Variants in CSMD1 observed in about 807,000 individuals in gnomAD.
CSMD1 encodes the protein CUB and sushi domain-containing protein 1.
In CSMD1, 213 loss-of-function variants were observed where a neutral mutation model predicts 417.5. The ratio of observed to expected loss-of-function variants is 0.51; its 90% CI spans 0.46 to 0.57. The LOEUF is 0.57. Among genes scored for constraint, CSMD1 ranks in the 20% least tolerant of loss-of-function variants. The pLI, the probability that CSMD1 is intolerant of heterozygous loss-of-function variation, is 0.00. For missense variants in CSMD1, 6,923 were observed against 4,529.7 expected (o/e 1.53, Z -15.17); for synonymous variants, 2,862 against 1,736.8 (o/e 1.65, Z -16.11).
chr8:3,786,177 T>G (rs1008772642), intron 5 of CSMD1, among the ~76,000 whole-genome samples: 2 of 152,110 alleles, frequency 1.3e-5, no homozygotes, highest in African/African-American at 4.8e-5. Flanking sequence ...TGGGGCCAGA[T>G]TGGGACATGA....
intron 12 of CSMD1, among the ~76,000 whole-genome samples, chr8:3,455,727 G>T (rs937289709): frequency 2.0e-5 from 3 of 152,204 alleles, no homozygotes; most frequent in African/African-American, 4.8e-5. Context: ...CCCCTACTGG[G>T]GATGCGTCCC....
chr8:4,497,620 G>A (rs1461655206), intron 2 of CSMD1, among the ~76,000 whole-genome samples: 1 of 152,134 alleles, frequency 6.6e-6, no homozygotes, highest in Non-Finnish European at 1.5e-5. Flanking sequence ...AGGCATTTAA[G>A]TAAAGACAGG....
At chr8:4,366,301 G>C (rs1188114798) in intron 3 of CSMD1, among the ~76,000 whole-genome samples, 3 of 150,592 alleles carry the variant, frequency 2.0e-5, no homozygotes, top group Non-Finnish European at 4.4e-5. Flanking sequence ...CTTTGCATAT[G>C]TACCACATTT....
intron 49 of CSMD1, among the ~76,000 whole-genome samples, chr8:3,082,968 G>C (rs1278889768): frequency 6.6e-6 from 1 of 152,130 alleles, no homozygotes; most frequent in African/African-American, 2.4e-5. Flanking sequence ...TGCTGATTTG[G>C]GTGGCGAAGA....
At chr8:3,332,558 T>G (rs1315828116) in intron 23 of CSMD1, among the ~76,000 whole-genome samples, 1 of 152,210 alleles carries the variant, frequency 6.6e-6, no homozygotes, top group Non-Finnish European at 1.5e-5. Context: ...AGACAACAGA[T>G]TAACTACTGT....
At chr8:4,078,119 A>T (rs1400089206) in intron 3 of CSMD1, among the ~76,000 whole-genome samples, 4 of 152,182 alleles carry the variant, frequency 2.6e-5, no homozygotes, top group African/African-American at 9.7e-5. Context: ...TTTACATGGA[A>T]AGTGCTATAA....
intron 5 of CSMD1, among the ~76,000 whole-genome samples, chr8:3,822,502 T>C (rs1175045096): frequency 6.6e-6 from 1 of 152,224 alleles, no homozygotes; most frequent in African/African-American, 2.4e-5. Context: ...AGCTGCTAGG[T>C]ACTCATGCAC....
chr8:4,122,620 T>A (rs1265840900), intron 3 of CSMD1, among the ~76,000 whole-genome samples: 1 of 151,934 alleles, frequency 6.6e-6, no homozygotes, highest in African/African-American at 2.4e-5. Context: ...GAGATGGAGG[T>A]GATAAGCCTC....
intron 3 of CSMD1, among the ~76,000 whole-genome samples, chr8:4,173,480 T>C (rs998738309): frequency 2.6e-5 from 4 of 152,170 alleles, no homozygotes; most frequent in Middle Eastern, 3.4e-3. Context: ...AAGTTGGATC[T>C]AGAGACACAG....
At chr8:3,991,636 G>T (rs1398040897) in intron 5 of CSMD1, among the ~76,000 whole-genome samples, 1 of 152,152 alleles carries the variant, frequency 6.6e-6, no homozygotes, top group African/African-American at 2.4e-5. Context: ...AGAAGTGGAG[G>T]GCACTTTCTT....
At chr8:3,992,229 C>A (rs1362987538) in intron 5 of CSMD1, among the ~76,000 whole-genome samples, 1 of 151,852 alleles carries the variant, frequency 6.6e-6, no homozygotes, top group Non-Finnish European at 1.5e-5. Context: ...ATACTAAACA[C>A]TTCTAAAAAA....
At chr8:4,032,312 T>TAAATAAATG (rs1429821777) in intron 3 of CSMD1, among the ~76,000 whole-genome samples, 2 of 152,196 alleles carry the variant, frequency 1.3e-5, no homozygotes, top group Non-Finnish European at 2.9e-5. Context: ...TCATAAAGTG[T>TAAATAAATG]AAATAAATGC....
chr8:4,082,811 G>A (rs1389540097), intron 3 of CSMD1, among the ~76,000 whole-genome samples: 1 of 128,448 alleles, frequency 7.8e-6, no homozygotes, highest in Non-Finnish European at 1.5e-5. Flanking sequence ...TCCCTTTCCT[G>A]TGTCCATGCA....
intron 29 of CSMD1, among the ~76,000 whole-genome samples, chr8:3,219,017 T>A (rs1480243553): frequency 6.6e-6 from 1 of 152,250 alleles, no homozygotes. Flanking sequence ...TTTATTTTTA[T>A]ATGGCCATGA....
At chr8:3,382,279 T>C (rs1810675679) in intron 18 of CSMD1, among the ~76,000 whole-genome samples, 1 of 150,370 alleles carries the variant, frequency 6.7e-6, no homozygotes, top group Non-Finnish European at 1.5e-5. Flanking sequence ...TGATTCCTAG[T>C]CAGCACTGGA....
intron 18 of CSMD1, among the ~76,000 whole-genome samples, chr8:3,374,506 C>G (rs1192686845): frequency 1.3e-5 from 2 of 152,086 alleles, no homozygotes; most frequent in African/African-American, 2.4e-5. Flanking sequence ...ATTCTAAGAA[C>G]AAGAATATTA....
intron 5 of CSMD1, among the ~76,000 whole-genome samples, chr8:3,763,496 C>T (rs942257810): frequency 6.6e-6 from 1 of 152,174 alleles, no homozygotes; most frequent in African/African-American, 2.4e-5. Context: ...CTGTGATATA[C>T]CTGTGCCCAC....
intron 17 of CSMD1, among the ~76,000 whole-genome samples, chr8:3,391,226 A>T (rs542287696): frequency 6.6e-6 from 1 of 152,324 alleles, no homozygotes; most frequent in Admixed American, 6.5e-5. Flanking sequence ...ATACTCCTTT[A>T]TCACAATGTT....
At chr8:3,972,143 T>C (rs1404545659) in intron 5 of CSMD1, among the ~76,000 whole-genome samples, 1 of 152,096 alleles carries the variant, frequency 6.6e-6, no homozygotes, top group Non-Finnish European at 1.5e-5. Flanking sequence ...AGTGCTGGGA[T>C]GACAGGTTGA....
Sources: allele counts gnomAD v4.1 joint callset (sites outside exome capture counted in the v4.1 genomes callset), GRCh38; gene constraint gnomAD v4.1.1; transcripts MANE v1.5; gene names NCBI Gene and HGNC (gene_info 2026-07-23, HGNC 2026-07-21).